The following POLR3H variants were observed in gnomAD, a reference collection of about 807,000 sequenced individuals.
POLR3H encodes RNA polymerase III subunit H.
POLR3H carries 17 observed loss-of-function variants against 25.5 expected under a neutral mutation model. That is an observed-to-expected ratio of 0.67 (90% CI 0.46 to 1.00). The LOEUF is 1.00. POLR3H is among the 50% of genes least tolerant of loss of function. The probability of loss-of-function intolerance (pLI) is 0.00; values close to 1 mark genes in which losing one functional copy is unlikely to be tolerated. For synonymous variants in POLR3H, 129 were observed against 103.0 expected, an observed-to-expected ratio of 1.25 and a Z score of -1.53; for missense variants, 274 against 265.0, an observed-to-expected ratio of 1.03 and a Z score of -0.24.
Position 41,544,322 on chromosome 22 carries a change from T to C in POLR3H, c.-221A>G. 1 of 428,776 alleles carries C rather than the reference T, an allele frequency of 2.3e-6. No individual in the cohort carries two copies. The allele number at this position is 428,776 out of a possible 1,614,324, so 26.6% of individuals were successfully genotyped here. A position where few individuals can be genotyped will look rare whatever the true frequency, so the allele number is the denominator to read the frequency against. On this transcript the variant is annotated 5_prime_UTR_variant, in exon 1 of 6. Coordinates refer to ENST00000355209, the MANE Select transcript of POLR3H (RefSeq NM_001018050.4). ...GAGGGAGGCACTCTCCGTCCACAGC[T>C]CCGGGTGCGCGCCCGCGCCGCGAGA...
At chr22:41,542,954 G>C (rs2066951235) in intron 1 of POLR3H, among the ~76,000 whole-genome samples, 2 of 152,164 alleles carry the variant, frequency 1.3e-5, no homozygotes, top group Admixed American at 6.5e-5. Context: ...AGTGAGCCAA[G>C]ATCGCTTCAT....
At chr22:41,543,936 G>A (rs752155657) in intron 1 of POLR3H, 55 bp downstream of exon 1, 3 of 1,328,286 alleles carry the variant, frequency 2.3e-6, no homozygotes, top group South Asian at 2.4e-5. Flanking sequence ...TGCGGCCAGT[G>A]GGCGGCGCTC....
rs2066628247 is a variant in POLR3H, at chr22:41,527,578, C to T, written c.*1705G>A. ...CCCCTTCTTAGGCTCACACAGTGCA[C>T]ATCCGACGCTCAGCTTCCCGGCTTC... On this transcript the variant is annotated 3_prime_UTR_variant, in exon 6 of 6. Transcript: ENST00000355209. 5.6e-6 allele frequency: 6 copies of T among 1,062,146 alleles called. No individual in the cohort carries two copies. The highest frequency in any genetic ancestry group is 8.0e-6 in the Non-Finnish European group (6 of 751,732). 65.8% of individuals were successfully genotyped at this position (1,062,146 alleles called of 1,614,324 possible). A position where few individuals can be genotyped will look rare whatever the true frequency, so the allele number is the denominator to read the frequency against.
Position 41,544,429 on chromosome 22 carries a change from A to ACCCACCACGCACCG in POLR3H, c.-329_-328insCGGTGCGTGGTGGG. The ACCCACCACGCACCG allele has an allele frequency of 1.2e-5, 1 of 85,316 alleles. No homozygotes were observed. The highest frequency in any genetic ancestry group is 1.2e-4 in the African/African-American group (1 of 8,488). 5.3% of individuals were successfully genotyped at this position (85,316 alleles called of 1,614,324 possible). On this transcript the variant is annotated 5_prime_UTR_variant, in exon 1 of 6. Transcript: ENST00000355209. ...CGTGCCGCCGCTCGTATCACGCACC[A>ACCCACCACGCACCG]CGCACCACGCACCGCGCACAGCCGC... is the stretch of plus-strand genomic sequence containing the variant.
chr22:41,532,515 A>G, intron 3 of POLR3H, 144 bp downstream of exon 3: 1 of 1,451,462 alleles, frequency 6.9e-7, no homozygotes, highest in Non-Finnish European at 9.4e-7. Flanking sequence ...AACACATAAA[A>G]GGGAGGGTGG....
At chr22:41,532,198 C>T in intron 3 of POLR3H, 41 bp from the exon 4 acceptor site, 2 of 1,583,992 alleles carry the variant, frequency 1.3e-6, no homozygotes, top group South Asian at 2.2e-5. Context: ...GATGGGGGTC[C>T]CAGTGGACGC....
At chr22:41,531,278 A>G (rs1489060094) in intron 4 of POLR3H, among the ~76,000 whole-genome samples, 1 of 152,246 alleles carries the variant, frequency 6.6e-6, no homozygotes, top group Non-Finnish European at 1.5e-5. Flanking sequence ...TGGGCACCCA[A>G]GGACTTGCCG....
chr22:41,528,689 G>T lies in POLR3H; in HGVS notation c.*594C>A. 6.4e-7 allele frequency: 1 copy of T among 1,552,708 alleles called. No homozygotes were observed. Among genetic ancestry groups the T allele is most frequent in the Non-Finnish European group, 8.7e-7 (1 of 1,151,616 alleles). The stretch of plus-strand genomic sequence containing the variant: ...GCCATCAGTGGATCCGATCCGTCCA[G>T]CCATGGCTTCCTATTCCAAGATGGT... On this transcript the variant is annotated 3_prime_UTR_variant, in exon 6 of 6. Coordinates refer to ENST00000355209, the MANE Select transcript of POLR3H (RefSeq NM_001018050.4).
intron 2 of POLR3H, among the ~76,000 whole-genome samples, chr22:41,537,973 T>C (rs2066875630): frequency 2.0e-5 from 3 of 150,874 alleles, no homozygotes; most frequent in Admixed American, 2.0e-4. Context: ...TAATTTTTTT[T>C]TTTTTTTTTT....
Position 41,532,719 on chromosome 22 carries a change from G to C in POLR3H, c.235C>G (p.Pro79Ala). ...CCAATGAGAATCTCATCTAGGAATG[G>C]ATGAAACACCACGCAGCGAAAATGG... ...KVHFRCVVFH[P>A]FLDEILIGKI... The change falls in exon 3 of 6, where the codon CCA becomes GCA. Residue 79 changes from proline (P) to alanine (A), a missense_variant. Pro to Ala is a conservative substitution (Grantham distance 27). Coordinates refer to ENST00000355209, the MANE Select transcript of POLR3H (RefSeq NM_001018050.4). 6.2e-7 allele frequency: 1 copy of C among 1,614,032 alleles called. No homozygotes were observed. The highest frequency in any genetic ancestry group is 8.5e-7 in the Non-Finnish European group (1 of 1,179,946).
At position 41,527,147 on chromosome 22, in the gene POLR3H, C is replaced by A; in HGVS notation, c.*2136G>T. 3 of 1,273,714 alleles carry A rather than the reference C, an allele frequency of 2.4e-6. No individual in the cohort carries two copies. The highest frequency in any genetic ancestry group is 3.3e-6 in the Non-Finnish European group (3 of 912,592). The allele number at this position is 1,273,714 out of a possible 1,614,324, so 78.9% of individuals were successfully genotyped here. A position where few individuals can be genotyped will look rare whatever the true frequency, so the allele number is the denominator to read the frequency against. Reference sequence around the variant, plus strand: ...GCTTCACTTGCCCTTAGGCAGCAGGCGAGGAAGGGCCCCTCCAGCCCCTTT... The same window carrying A: ...GCTTCACTTGCCCTTAGGCAGCAGGAGAGGAAGGGCCCCTCCAGCCCCTTT... On this transcript the variant is annotated 3_prime_UTR_variant, in exon 6 of 6. Coordinates refer to ENST00000355209, the MANE Select transcript of POLR3H (RefSeq NM_001018050.4).
rs2066613086 is a variant in POLR3H, at chr22:41,527,010, A to G, written c.*2273T>C. On this transcript the variant is annotated 3_prime_UTR_variant, in exon 6 of 6. Transcript: ENST00000355209. ...TCCCTGTCTCACCCAACCTCCCTCC[A>G]CACACACCTGCCTCTGCCAAGCACC... 3.8e-6 allele frequency: 2 copies of G among 525,556 alleles called. No individual in the cohort carries two copies. Among genetic ancestry groups the G allele is most frequent in the Non-Finnish European group, 6.8e-6 (2 of 294,358 alleles). The allele number at this position is 525,556 out of a possible 1,614,324, so 32.6% of individuals were successfully genotyped here.
rs1193920796 is a variant in POLR3H at position 41,544,431 on chromosome 22, GCACCA to G, written c.-335_-331del. On this transcript the variant is annotated 5_prime_UTR_variant, in exon 1 of 6. Coordinates refer to ENST00000355209, the MANE Select transcript of POLR3H (RefSeq NM_001018050.4). The stretch of plus-strand genomic sequence containing the variant: ...TGCCGCCGCTCGTATCACGCACCAC[GCACCA>G]CGCACCGCGCACAGCCGCTCGCGCT... 1 of 210,524 alleles carries G rather than the reference GCACCA, an allele frequency of 4.8e-6. No homozygotes were observed. The highest frequency in any genetic ancestry group is 2.3e-5 in the African/African-American group (1 of 42,644). The allele number at this position is 210,524 out of a possible 1,614,324, so 13.0% of individuals were successfully genotyped here. A position where few individuals can be genotyped will look rare whatever the true frequency, so the allele number is the denominator to read the frequency against.
rs2066646652 is a variant in POLR3H, at chr22:41,528,298, G to A, written c.*985C>T. ...CCACTGCAGGACCCTCTGGGCCCCA[G>A]GAATCCCCTGTAGGTGCCACCTGGG... On this transcript the variant is annotated 3_prime_UTR_variant, in exon 6 of 6. Coordinates refer to ENST00000355209, the MANE Select transcript of POLR3H (RefSeq NM_001018050.4). 10 of 940,344 alleles carry A rather than the reference G, an allele frequency of 1.1e-5. No homozygotes were observed. The highest frequency in any genetic ancestry group is 1.4e-5 in the Non-Finnish European group (9 of 645,334). 58.3% of individuals were successfully genotyped at this position (940,344 alleles called of 1,614,324 possible). A position where few individuals can be genotyped will look rare whatever the true frequency, so the allele number is the denominator to read the frequency against.
chr22:41,531,284 T>TG (rs1431134689), intron 4 of POLR3H, among the ~76,000 whole-genome samples: 1 of 152,198 alleles, frequency 6.6e-6, no homozygotes, highest in Non-Finnish European at 1.5e-5. Context: ...CCCAAGGACT[T>TG]GCCGTTTTCA....
intron 2 of POLR3H, chr22:41,533,493 G>A (rs146289632): frequency 8.3e-7 from 1 of 1,198,686 alleles, no homozygotes; most frequent in Non-Finnish European, 1.1e-6. Flanking sequence ...ACATAGCCAT[G>A]GGGAGACACC....
In POLR3H at chr22:41,527,950, G is replaced by A. The variant is rs565638362; in HGVS notation, c.*1333C>T. The A allele has an allele frequency of 1.3e-5, 21 of 1,614,156 alleles. No individual in the cohort carries two copies. Among genetic ancestry groups the A allele is most frequent in the East Asian group, 4.5e-5 (2 of 44,880 alleles). On this transcript the variant is annotated 3_prime_UTR_variant, in exon 6 of 6. Coordinates refer to ENST00000355209, the MANE Select transcript of POLR3H (RefSeq NM_001018050.4). ...TGCTGCCTCTGACCTTCGCTGACCC[G>A]GCTGACTACAACAAGATTCACCCTG...
In POLR3H at chr22:41,528,407, C is replaced by T; in HGVS notation, c.*876G>A. On this transcript the variant is annotated 3_prime_UTR_variant, in exon 6 of 6. Coordinates refer to ENST00000355209, the MANE Select transcript of POLR3H (RefSeq NM_001018050.4). ...TAGGTCCCCAGGCAGTGCCCTGTCTCCCTGACCCCCCTGCGGGGCCAAGGG... is the reference window on the plus strand; with the variant it reads ...TAGGTCCCCAGGCAGTGCCCTGTCTTCCTGACCCCCCTGCGGGGCCAAGGG... 1.9e-6 allele frequency: 3 copies of T among 1,573,180 alleles called. No homozygotes were observed. The highest frequency in any genetic ancestry group is 1.7e-6 in the Non-Finnish European group (2 of 1,160,892).
At chr22:41,536,047 C>T (rs1322039140) in intron 2 of POLR3H, among the ~76,000 whole-genome samples, 2 of 150,702 alleles carry the variant, frequency 1.3e-5, no homozygotes, top group Non-Finnish European at 1.5e-5. Flanking sequence ...GCCTCAGACT[C>T]CCAAAGTGCT....
Sources: allele counts gnomAD v4.1 joint callset (sites outside exome capture counted in the v4.1 genomes callset), GRCh38; gene constraint gnomAD v4.1.1; transcripts MANE v1.5; gene names NCBI Gene and HGNC (gene_info 2026-07-23, HGNC 2026-07-21).